GALNTL6: variants seen among roughly 807,000 people sequenced by gnomAD.
GALNTL6 encodes polypeptide N-acetylgalactosaminyltransferase like 6.
A neutral mutation model predicts 73.7 loss-of-function variants in GALNTL6; 46 were observed. That is an observed-to-expected ratio of 0.62 (90% CI 0.49 to 0.80). GALNTL6 has a LOEUF of 0.80. Ranked by LOEUF, GALNTL6 falls within the 30% of genes least tolerant of loss-of-function variation. The probability of loss-of-function intolerance (pLI) is 0.00; values close to 1 mark genes in which losing one functional copy is unlikely to be tolerated. For synonymous variants in GALNTL6, 259 were observed against 263.7 expected (o/e 0.98, Z 0.17); for missense variants, 604 against 755.0 (o/e 0.80, Z 2.34).
intron 2 of GALNTL6, among the ~76,000 whole-genome samples, chr4:172,222,570 A>T (rs557297219): frequency 6.6e-6 from 1 of 151,668 alleles, no homozygotes; most frequent in East Asian, 1.9e-4. Flanking sequence ...TCGAAGCATT[A>T]TCAATTACCA....
At chr4:172,680,182 C>G (rs1732551198) in intron 5 of GALNTL6, among the ~76,000 whole-genome samples, 1 of 152,036 alleles carries the variant, frequency 6.6e-6, no homozygotes, top group Admixed American at 6.6e-5. Context: ...ATGTTTTAAG[C>G]TTCAATATTT....
At chr4:172,521,121 T>TA (rs1734761337) in intron 5 of GALNTL6, among the ~76,000 whole-genome samples, 1 of 152,094 alleles carries the variant, frequency 6.6e-6, no homozygotes, top group Non-Finnish European at 1.5e-5. Context: ...TTGATGATAA[T>TA]ATCTGTAATA....
Position 173,021,598 on chromosome 4 carries a change from G to A in GALNTL6, c.1611G>A (p.Lys537=). ...CACTCTATGACTGTCATGGCATGAA[G>A]GGGAACCAGCTCTGGGGATACCGGA... ...PVTLYDCHGM[K]GNQLWGYRKD... is the part of the protein sequence containing the mutation. The change falls in exon 12 of 13, where the codon AAG becomes AAA. Residue 537 remains lysine (K), a synonymous_variant. Transcript: ENST00000506823. 6.2e-7 allele frequency: 1 copy of A among 1,614,122 alleles called. No homozygotes were observed. The highest frequency in any genetic ancestry group is 1.1e-5 in the South Asian group (1 of 91,082).
intron 2 of GALNTL6, among the ~76,000 whole-genome samples, chr4:171,854,116 G>A (rs1735612753): frequency 6.6e-6 from 1 of 152,110 alleles, no homozygotes; most frequent in South Asian, 2.1e-4. Flanking sequence ...TTCCCTGAGG[G>A]CAGATGTTGG....
At chr4:171,816,563 A>G (rs1734530517) in intron 2 of GALNTL6, among the ~76,000 whole-genome samples, 1 of 152,082 alleles carries the variant, frequency 6.6e-6, no homozygotes, top group South Asian at 2.1e-4. Flanking sequence ...ATGACATTCC[A>G]GTTTAATAAC....
Position 171,850,206 on chromosome 4 carries a change from A to G in GALNTL6, c.138+35488A>G, listed in dbSNP as rs190475346. Among the ~76,000 whole-genome samples the G allele has an allele frequency of 3.6e-3, 554 of 152,316 alleles. 2 individuals carry two copies. The highest frequency in any genetic ancestry group is 0.01 in the Middle Eastern group (3 of 294). Reference sequence around the variant, plus strand: ...AGGCTGTTCTCGAATTCCTGACCTCAAGTGATCTGCCCACCCCAGCCTCCC... The same window carrying G: ...AGGCTGTTCTCGAATTCCTGACCTCGAGTGATCTGCCCACCCCAGCCTCCC... On this transcript the variant is annotated intron_variant, in intron 2 of 12. Transcript: ENST00000506823.
intron 7 of GALNTL6, among the ~76,000 whole-genome samples, chr4:172,860,059 C>G (rs561140036): frequency 1.2e-3 from 185 of 152,212 alleles, no homozygotes; most frequent in Middle Eastern, 3.4e-3. Flanking sequence ...CCCCATACCC[C>G]CTTGACTTTG....
intron 5 of GALNTL6, among the ~76,000 whole-genome samples, chr4:172,531,429 A>T (rs1735165605): frequency 6.6e-6 from 1 of 152,196 alleles, no homozygotes; most frequent in African/African-American, 2.4e-5. Flanking sequence ...GCAAATGGAA[A>T]ATGCAGTACT....
At position 172,386,470 on chromosome 4, in the gene GALNTL6, A is replaced by C. The variant is rs915660966; in HGVS notation, c.553+37781A>C. ...ATTGTTATAATCATTCTGCAGAGAG[A>C]CAGAACTAATAAGAGAGGGAAAGTG... On this transcript the variant is annotated intron_variant, in intron 5 of 12. Coordinates refer to ENST00000506823, the MANE Select transcript of GALNTL6 (RefSeq NM_001034845.3). Among the ~76,000 whole-genome samples the C allele has an allele frequency of 3.9e-5, 6 of 152,136 alleles. No individual in the cohort carries two copies. The South Asian group carries it at 1.2e-3, about 31-fold the overall frequency.
At chr4:172,607,578 T>C (rs887646933) in intron 5 of GALNTL6, among the ~76,000 whole-genome samples, 7 of 152,200 alleles carry the variant, frequency 4.6e-5, no homozygotes, top group Admixed American at 3.9e-4. Context: ...CATGTGTCTT[T>C]ATGGTAGAAT....
chr4:172,105,398 AG>A (rs1560925089), intron 2 of GALNTL6, among the ~76,000 whole-genome samples: 2 of 152,022 alleles, frequency 1.3e-5, no homozygotes, highest in African/African-American at 4.8e-5. Flanking sequence ...TTAGTAAAGA[AG>A]AGAATAGAGC....
At chr4:172,015,565 C>T (rs892756464) in intron 2 of GALNTL6, among the ~76,000 whole-genome samples, 1 of 151,994 alleles carries the variant, frequency 6.6e-6, no homozygotes, top group Non-Finnish European at 1.5e-5. Flanking sequence ...TTTGAGATGT[C>T]GGTTATTGTT....
intron 5 of GALNTL6, among the ~76,000 whole-genome samples, chr4:172,562,880 T>C (rs1387739805): frequency 6.6e-6 from 1 of 152,182 alleles, no homozygotes; most frequent in East Asian, 1.9e-4. Flanking sequence ...CTGGGGAAAG[T>C]GTACACATGG....
chr4:172,723,158 G>A (rs979186514), intron 5 of GALNTL6, among the ~76,000 whole-genome samples: 2 of 152,194 alleles, frequency 1.3e-5, no homozygotes, highest in African/African-American at 4.8e-5. Context: ...AAGGATCTGC[G>A]TGGTTAGGTT....
chr4:172,463,575 GC>G (rs1732693060), intron 5 of GALNTL6, among the ~76,000 whole-genome samples: 2 of 152,294 alleles, frequency 1.3e-5, no homozygotes, highest in Admixed American at 6.5e-5. Context: ...TTACAGGGAT[GC>G]GACAGAAAGA....
intron 5 of GALNTL6, among the ~76,000 whole-genome samples, chr4:172,494,309 T>G (rs1733997005): frequency 6.6e-6 from 1 of 152,174 alleles, no homozygotes; most frequent in South Asian, 2.1e-4. Flanking sequence ...ATAAGTTAAA[T>G]ATAAAACCCA....
At chr4:171,967,908 A>C (rs1357371564) in intron 2 of GALNTL6, among the ~76,000 whole-genome samples, 1 of 152,156 alleles carries the variant, frequency 6.6e-6, no homozygotes, top group Non-Finnish European at 1.5e-5. Context: ...GAATCTCCCC[A>C]GAAATTGGAG....
intron 2 of GALNTL6, among the ~76,000 whole-genome samples, chr4:171,953,573 A>T (rs1738952056): frequency 6.6e-6 from 1 of 152,152 alleles, no homozygotes; most frequent in Non-Finnish European, 1.5e-5. Context: ...CCTTAAAGAA[A>T]ATTACAGACC....
At chr4:171,829,553 T>C (rs924835910) in intron 2 of GALNTL6, among the ~76,000 whole-genome samples, 2 of 152,158 alleles carry the variant, frequency 1.3e-5, no homozygotes, top group Non-Finnish European at 2.9e-5. Context: ...ATCATACTTT[T>C]TCCCCCTGGA....
Sources: gnomAD v4.1 joint callset for allele counts (sites outside exome capture counted in the v4.1 genomes callset) on GRCh38, gnomAD v4.1.1 for gene constraint, MANE v1.5 for transcripts, NCBI Gene and HGNC (gene_info 2026-07-23, HGNC 2026-07-21) for gene names.